TMC3: variants seen among roughly 807,000 people sequenced by gnomAD.
TMC3 encodes the protein transmembrane channel like 3.
Under a neutral mutation model 110.6 loss-of-function variants are expected in TMC3, and 98 were observed. That is an observed-to-expected ratio of 0.89 (90% CI 0.75 to 1.05). The LOEUF is 1.05. Among genes scored for constraint, TMC3 ranks in the 50% least tolerant of loss-of-function variants. The probability of loss-of-function intolerance (pLI) is 0.00; values close to 1 mark genes in which losing one functional copy is unlikely to be tolerated. For synonymous variants in TMC3, 489 were observed against 513.1 expected (o/e 0.95, Z 0.63); for missense variants, 1,319 against 1,373.2 (o/e 0.96, Z 0.62).
intron 16 of TMC3, 131 bp downstream of exon 16, chr15:81,341,259 G>A: frequency 1.1e-6 from 1 of 951,074 alleles, no homozygotes; most frequent in African/African-American, 1.7e-5. Flanking sequence ...GACAAAATTG[G>A]AGGACAGGCA....
intron 3 of TMC3, among the ~76,000 whole-genome samples, chr15:81,367,232 A>G (rs1894335059): frequency 6.6e-6 from 1 of 152,236 alleles, no homozygotes; most frequent in African/African-American, 2.4e-5. Flanking sequence ...ATATACATTT[A>G]TCTGATGGAA....
In TMC3 at chr15:81,344,960, AG is replaced by A; in HGVS notation, c.1323del (p.Phe442LeufsTer42). On this transcript the variant is annotated frameshift_variant, in exon 13 of 22. Coordinates refer to ENST00000359440, the MANE Select transcript of TMC3 (RefSeq NM_001080532.3). LOFTEE classifies it high-confidence loss of function. ...NTSHWIDSTT[F>X]FATRTAPEEE... ...TCTTCAGGGGCTGTCCTGGTTGCAA[AG>A]AAGGTGGTGGAATCTATCCAATGAC... 6.2e-7 allele frequency: 1 copy of A among 1,608,832 alleles called. No homozygotes were observed. The highest frequency in any genetic ancestry group is 1.1e-5 in the South Asian group (1 of 89,842).
Position 81,332,675 on chromosome 15 carries a change from G to C in TMC3, c.3047C>G (p.Ser1016Cys). 2 of 1,614,020 alleles carry C rather than the reference G, an allele frequency of 1.2e-6. No homozygotes were observed. Among genetic ancestry groups the C allele is most frequent in the Non-Finnish European group, 1.7e-6 (2 of 1,179,900 alleles). ...RPAYVPRKPR[S>C]RNFQYPQPPL... ...GGGCTGTGGGTATTGGAAATTCCGGGATCGTGGCTTTCTGGGCACATAGGC... is the reference window on the plus strand; with the variant it reads ...GGGCTGTGGGTATTGGAAATTCCGGCATCGTGGCTTTCTGGGCACATAGGC... Residue 1016 changes from serine to cysteine, a missense_variant, in exon 22 of 22, where the codon TCC becomes TGC. Coordinates refer to ENST00000359440, the MANE Select transcript of TMC3 (RefSeq NM_001080532.3).
chr15:81,333,647 C>T (rs1249881369), intron 21 of TMC3, among the ~76,000 whole-genome samples: 1 of 152,190 alleles, frequency 6.6e-6, no homozygotes, highest in Non-Finnish European at 1.5e-5. Flanking sequence ...TTCTCAAGCA[C>T]TTCTCTGAGT....
chr15:81,368,733 C>T (rs912843019), intron 2 of TMC3, among the ~76,000 whole-genome samples: 2 of 152,234 alleles, frequency 1.3e-5, no homozygotes, highest in African/African-American at 4.8e-5. Context: ...GCAAATCAGA[C>T]CTGGCTTCAG....
Position 81,332,511 on chromosome 15 carries a change from G to A in TMC3, c.3211C>T (p.Pro1071Ser), listed in dbSNP as rs1407022287. The change falls in exon 22 of 22, where the codon CCG becomes TCG. Residue 1071 changes from proline to serine, a missense_variant. Physicochemically the swap from Pro to Ser is moderately conservative, Grantham distance 74. Transcript: ENST00000359440. The stretch of plus-strand genomic sequence containing the variant: ...CTGCTGGGCTGGCCCACGGACCTCG[G>A]GAACCTGCCCTGGCTGTGGGTGACC... Reference protein sequence around the residue: ...LQVTHSQGRFPRSVGQPSRRK... With the variant: ...LQVTHSQGRFSRSVGQPSRRK... 1.2e-6 allele frequency: 2 copies of A among 1,613,500 alleles called. No homozygotes were observed. Among genetic ancestry groups the A allele is most frequent in the Non-Finnish European group, 1.7e-6 (2 of 1,179,792 alleles).
intron 10 of TMC3, among the ~76,000 whole-genome samples, chr15:81,350,897 G>A (rs866978312): frequency 6.6e-6 from 1 of 152,116 alleles, no homozygotes; most frequent in Non-Finnish European, 1.5e-5. Context: ...AACGGGGGTT[G>A]GGGGGGAGAA....
Position 81,374,055 on chromosome 15 carries a change from T to C in TMC3, c.23A>G (p.Gln8Arg). 3.7e-6 allele frequency: 6 copies of C among 1,613,844 alleles called. No individual in the cohort carries two copies. Among genetic ancestry groups the C allele is most frequent in the South Asian group, 2.2e-5 (2 of 91,026 alleles). Residue 8 changes from glutamine to arginine, a missense_variant, in exon 1 of 22, where the codon CAG becomes CGG. Coordinates refer to ENST00000359440, the MANE Select transcript of TMC3 (RefSeq NM_001080532.3). MKTSKAS[Q>R]RYRGIRRNAS... ...ATTTCTCCGGATGCCTCTATAGCGC[T>C]GGGATGCCTTCGAGGTTTTCATGGG...
intron 14 of TMC3, 56 bp from the exon 15 acceptor site, chr15:81,343,401 C>T: frequency 8.4e-7 from 1 of 1,194,746 alleles, no homozygotes; most frequent in South Asian, 1.2e-5. Flanking sequence ...TTTGCATGAA[C>T]CAATTAATTA....
intron 20 of TMC3, 105 bp from the exon 21 acceptor site, chr15:81,335,080 G>T: frequency 1.6e-6 from 2 of 1,278,876 alleles, no homozygotes; most frequent in Non-Finnish European, 1.1e-6. Context: ...GAGTTGGTCC[G>T]CAAACAATTG....
intron 2 of TMC3, among the ~76,000 whole-genome samples, chr15:81,370,800 G>T (rs987960155): frequency 6.6e-6 from 1 of 150,420 alleles, no homozygotes; most frequent in Non-Finnish European, 1.5e-5. Context: ...TCAGCCTCCC[G>T]AATAGCTGGG....
Position 81,356,430 on chromosome 15 carries a change from C to G in TMC3, c.891+17G>C. On this transcript the variant is annotated intron_variant, in intron 8 of 21. Coordinates refer to ENST00000359440, the MANE Select transcript of TMC3 (RefSeq NM_001080532.3). ...GAGCTGCCCACCCCCGCAGGCTGCACAGGCTCACTCACTCACCCTGATGCT... is the reference window on the plus strand; with the variant it reads ...GAGCTGCCCACCCCCGCAGGCTGCAGAGGCTCACTCACTCACCCTGATGCT... The G allele has an allele frequency of 6.4e-7, 1 of 1,559,500 alleles. No homozygotes were observed. The highest frequency in any genetic ancestry group is 1.2e-5 in the South Asian group (1 of 84,346).
chr15:81,369,629 A>G (rs1182255770), intron 2 of TMC3, among the ~76,000 whole-genome samples: 1 of 152,132 alleles, frequency 6.6e-6, no homozygotes, highest in Non-Finnish European at 1.5e-5. Context: ...AGAGTTGCCT[A>G]AAACAGAGTT....
At chr15:81,344,354 C>G (rs770071150) in intron 13 of TMC3, among the ~76,000 whole-genome samples, 2 of 152,134 alleles carry the variant, frequency 1.3e-5, no homozygotes, top group Non-Finnish European at 2.9e-5. Context: ...GGCCAGTGAC[C>G]CATTTCCATG....
chr15:81,361,452 A>G (rs186618555), intron 4 of TMC3, among the ~76,000 whole-genome samples: 9 of 152,280 alleles, frequency 5.9e-5, no homozygotes, highest in Non-Finnish European at 1.2e-4. Flanking sequence ...ACACTATGCT[A>G]TACTGCTTCA....
chr15:81,370,565 AC>A (rs1233521453), intron 2 of TMC3, among the ~76,000 whole-genome samples: 2 of 152,108 alleles, frequency 1.3e-5, no homozygotes, highest in African/African-American at 4.8e-5. Flanking sequence ...CAGAAAAGTT[AC>A]CATTTGCTCT....
chr15:81,345,091 A>G (rs1329962567), intron 12 of TMC3, 80 bp from the exon 13 acceptor site: 3 of 1,510,352 alleles, frequency 2.0e-6, no homozygotes, highest in Non-Finnish European at 2.7e-6. Context: ...ATGAGAATCC[A>G]TCATGGACCC....
chr15:81,364,710 A>T (rs1324861396), intron 3 of TMC3, among the ~76,000 whole-genome samples: 34 of 97,058 alleles, frequency 3.5e-4, no homozygotes, highest in Non-Finnish European at 4.0e-4. Flanking sequence ...CAAAAAAAAA[A>T]AAATAAAAAA....
intron 2 of TMC3, among the ~76,000 whole-genome samples, chr15:81,371,608 C>A (rs1248267003): frequency 6.6e-6 from 1 of 152,174 alleles, no homozygotes; most frequent in Non-Finnish European, 1.5e-5. Flanking sequence ...TTTGCTGTGA[C>A]CCCAGGCATC....
Sources: allele counts gnomAD v4.1 joint callset (sites outside exome capture counted in the v4.1 genomes callset), GRCh38; gene constraint gnomAD v4.1.1; transcripts MANE v1.5; gene names NCBI Gene and HGNC (gene_info 2026-07-23, HGNC 2026-07-21).